NKD1: variants seen among roughly 807,000 people sequenced by gnomAD.
The protein encoded by NKD1 is NKD inhibitor of Wnt signaling pathway 1, also known as protein naked cuticle homolog 1.
In NKD1, 21 loss-of-function variants were observed where a neutral mutation model predicts 56.0. The observed-to-expected ratio is 0.38, with a 90% CI of 0.27 to 0.54. The LOEUF is 0.54. NKD1 is among the 20% of genes least tolerant of loss of function. The pLI is 0.82. For missense variants in NKD1, 578 were observed against 642.7 expected (o/e 0.90, Z 1.09); for synonymous variants, 263 against 265.7 (o/e 0.99, Z 0.10).
intron 3 of NKD1, among the ~76,000 whole-genome samples, chr16:50,564,565 C>G (rs1567335323): frequency 6.6e-6 from 1 of 152,206 alleles, no homozygotes. Context: ...TTGTGGCTCA[C>G]TCTTGTATCC....
At chr16:50,559,950 G>A (rs1177606821) in intron 3 of NKD1, among the ~76,000 whole-genome samples, 1 of 152,130 alleles carries the variant, frequency 6.6e-6, no homozygotes, top group Non-Finnish European at 1.5e-5. Flanking sequence ...AGGCTGCGTG[G>A]GCTGGTGGGC....
chr16:50,611,991 C>T (rs1961858391), intron 4 of NKD1, among the ~76,000 whole-genome samples: 1 of 152,150 alleles, frequency 6.6e-6, no homozygotes, highest in Non-Finnish European at 1.5e-5. Context: ...TTACCTAGCC[C>T]AGATCAAAGA....
intron 3 of NKD1, among the ~76,000 whole-genome samples, chr16:50,583,021 A>C (rs1325105005): frequency 6.6e-6 from 1 of 152,124 alleles, no homozygotes; most frequent in African/African-American, 2.4e-5. Context: ...AAAAAAATGC[A>C]TTATTGCTCC....
rs1271662866 is a variant in NKD1, at chr16:50,637,985, C to G, written c.*4204C>G. 6.6e-6 allele frequency: 1 copy of G among 152,204 alleles called. No individual in the cohort carries two copies. The highest frequency in any genetic ancestry group is 2.4e-5 in the African/African-American group (1 of 41,424). The allele number at this position is 152,204 out of a possible 1,614,324, so 9.4% of individuals were successfully genotyped here. A position where few individuals can be genotyped will look rare whatever the true frequency, so the allele number is the denominator to read the frequency against. On this transcript the variant is annotated 3_prime_UTR_variant, in exon 10 of 10. Transcript: ENST00000268459. ...GGGTCAGGAGCCTAGGGGACTCTTG[C>G]ACTTCACATCCAGCCATGCTAATTA... is the stretch of plus-strand genomic sequence containing the variant.
At chr16:50,587,480 C>T (rs911528355) in intron 3 of NKD1, among the ~76,000 whole-genome samples, 2 of 152,200 alleles carry the variant, frequency 1.3e-5, no homozygotes, top group African/African-American at 2.4e-5. Flanking sequence ...GGGGGAAAAG[C>T]ATTATCTAGG....
chr16:50,625,260 A>T, intron 5 of NKD1: 1 of 569,326 alleles, frequency 1.8e-6, no homozygotes, highest in Non-Finnish European at 3.1e-6. Flanking sequence ...ACCACCAGGC[A>T]CCCCTGCAGG....
chr16:50,634,135 C>T lies in NKD1; in HGVS notation c.*354C>T, dbSNP rs1596763794. On this transcript the variant is annotated 3_prime_UTR_variant, in exon 10 of 10. Coordinates refer to ENST00000268459, the MANE Select transcript of NKD1 (RefSeq NM_033119.5). ...AGCCTCAACTCTGCCCCACCCCAGC[C>T]TCTTCCAGGAGAGCACCCTTACTTG... is the stretch of plus-strand genomic sequence containing the variant. 4.9e-6 allele frequency: 1 copy of T among 204,336 alleles called. No individual in the cohort carries two copies. The highest frequency in any genetic ancestry group is 6.0e-5 in the Admixed American group (1 of 16,760). The allele number at this position is 204,336 out of a possible 1,614,324, so 12.7% of individuals were successfully genotyped here.
chr16:50,611,028 C>T (rs546788071), intron 4 of NKD1, among the ~76,000 whole-genome samples: 33 of 152,316 alleles, frequency 2.2e-4, no homozygotes, highest in South Asian at 2.1e-4. Context: ...TCACCTTCAG[C>T]GCACACCCAG....
chr16:50,565,944 T>C (rs1179887119), intron 3 of NKD1, among the ~76,000 whole-genome samples: 1 of 152,252 alleles, frequency 6.6e-6, no homozygotes, highest in East Asian at 1.9e-4. Context: ...CTTCTGCCTG[T>C]GGTCGACTTT....
intron 6 of NKD1, 129 bp downstream of exon 6, chr16:50,625,709 A>C: frequency 1.5e-6 from 1 of 655,904 alleles, no homozygotes; most frequent in East Asian, 2.8e-5. Flanking sequence ...CGTAACAGCC[A>C]GGGAGTTGCT....
chr16:50,584,865 A>G (rs927101354), intron 3 of NKD1, among the ~76,000 whole-genome samples: 1 of 152,130 alleles, frequency 6.6e-6, no homozygotes, highest in African/African-American at 2.4e-5. Context: ...CACTTACCCT[A>G]TAGCACCTGT....
chr16:50,562,590 C>T (rs1156868030), intron 3 of NKD1, among the ~76,000 whole-genome samples: 3 of 152,156 alleles, frequency 2.0e-5, no homozygotes, highest in South Asian at 2.1e-4. Flanking sequence ...TGGGGAGACT[C>T]GATGCGGCCG....
intron 3 of NKD1, among the ~76,000 whole-genome samples, chr16:50,593,481 C>T (rs1961412351): frequency 6.6e-6 from 1 of 152,164 alleles, no homozygotes; most frequent in South Asian, 2.1e-4. Context: ...GTCAGGCTCT[C>T]AGCTCACATC....
At chr16:50,611,504 G>A (rs548591090) in intron 4 of NKD1, among the ~76,000 whole-genome samples, 6 of 152,314 alleles carry the variant, frequency 3.9e-5, no homozygotes, top group South Asian at 4.1e-4. Context: ...CCTGGCGTGC[G>A]CATGTGGCAG....
intron 3 of NKD1, among the ~76,000 whole-genome samples, chr16:50,567,987 G>T (rs1960798884): frequency 6.6e-6 from 1 of 152,232 alleles, no homozygotes; most frequent in Non-Finnish European, 1.5e-5. Context: ...ATTTTTACTG[G>T]GCAGAAGATT....
In NKD1 at chr16:50,632,128, G is replaced by C. The variant is rs533226229; in HGVS notation, c.696-153G>C. Among the ~76,000 whole-genome samples the C allele has an allele frequency of 6.6e-6, 1 of 152,208 alleles. No homozygotes were observed. Among genetic ancestry groups the C allele is most frequent in the Non-Finnish European group, 1.5e-5 (1 of 68,036 alleles). ...AAGGAGGGAAATGGAGGCACAGTTC[G>C]TATAGAGGACTGTTCCTCCCCACCC... On this transcript the variant is annotated intron_variant, in intron 8 of 9. Coordinates refer to ENST00000268459, the MANE Select transcript of NKD1 (RefSeq NM_033119.5). This position sits in a 1 kb window ranked among gnomAD's most constrained non-coding sequence, Gnocchi z 4.1.
chr16:50,576,492 A>T (rs1382878259), intron 3 of NKD1, among the ~76,000 whole-genome samples: 1 of 152,098 alleles, frequency 6.6e-6, no homozygotes, highest in Non-Finnish European at 1.5e-5. Flanking sequence ...GCCTTTTGTT[A>T]TGTTTCTGAT....
rs1463927528 is a variant in NKD1, at chr16:50,606,522, G to A, written c.193-1772G>A. On this transcript the variant is annotated intron_variant, in intron 3 of 9. Coordinates refer to ENST00000268459, the MANE Select transcript of NKD1 (RefSeq NM_033119.5). ...AGTGTGTCAGAGAGCTTGGTTCTCCGAGCAGGGAGTGCTGAAGCTGTCATT... is the reference window on the plus strand; with the variant it reads ...AGTGTGTCAGAGAGCTTGGTTCTCCAAGCAGGGAGTGCTGAAGCTGTCATT... 10 of 335,122 alleles carry A rather than the reference G, an allele frequency of 3.0e-5. 1 individual carries two copies. The highest frequency in any genetic ancestry group is 1.7e-4 in the South Asian group (7 of 42,306). The allele number at this position is 335,122 out of a possible 1,614,324, so 20.8% of individuals were successfully genotyped here.
At chr16:50,627,445 G>A (rs1409357206) in intron 6 of NKD1, among the ~76,000 whole-genome samples, 5 of 152,242 alleles carry the variant, frequency 3.3e-5, no homozygotes, top group Non-Finnish European at 7.3e-5. Context: ...CGGCCCTGGA[G>A]AAAGTGTTCA....
Sources: allele counts gnomAD v4.1 joint callset (sites outside exome capture counted in the v4.1 genomes callset), GRCh38; gene constraint gnomAD v4.1.1; non-coding constraint Gnocchi (gnomAD v3.1); transcripts MANE v1.5; gene names NCBI Gene and HGNC (gene_info 2026-07-23, HGNC 2026-07-21).